PDSS2: variants seen among roughly 807,000 people sequenced by gnomAD.
PDSS2 encodes decaprenyl diphosphate synthase subunit 2, also known as all trans-polyprenyl-diphosphate synthase PDSS2.
In PDSS2, 31 loss-of-function variants were observed where a neutral mutation model predicts 44.5. The ratio of observed to expected loss-of-function variants is 0.70; its 90% CI spans 0.52 to 0.94. The LOEUF (loss-of-function observed/expected upper bound fraction) is 0.94, where lower values mean the gene tolerates loss of function less well. Ranked by LOEUF, PDSS2 falls within the 40% of genes least tolerant of loss-of-function variation. The pLI, the probability that PDSS2 is intolerant of heterozygous loss-of-function variation, is 0.00. For synonymous variants in PDSS2, 157 were observed against 180.3 expected, an observed-to-expected ratio of 0.87 and a Z score of 1.03; for missense variants, 452 against 482.2, an observed-to-expected ratio of 0.94 and a Z score of 0.59.
At chr6:107,398,438 C>T (rs2114572917) in intron 1 of PDSS2, among the ~76,000 whole-genome samples, 1 of 152,194 alleles carries the variant, frequency 6.6e-6, no homozygotes, top group Admixed American at 6.5e-5. Context: ...ATTTAAAATT[C>T]TTACTTTTAA....
chr6:107,400,734 T>A (rs1444678417), intron 1 of PDSS2, among the ~76,000 whole-genome samples: 1 of 152,106 alleles, frequency 6.6e-6, no homozygotes, highest in African/African-American at 2.4e-5. Context: ...GGAGTGTTGC[T>A]CCAGGGGCTT....
In PDSS2 at chr6:107,205,367, A is replaced by G. The variant is rs115685563; in HGVS notation, c.1008+5072T>C. Among the ~76,000 whole-genome samples the G allele has an allele frequency of 4.8e-3, 733 of 152,300 alleles. 4 individuals carry two copies. Among genetic ancestry groups the G allele is most frequent in the African/African-American group, 0.017 (710 of 41,556 alleles). On this transcript the variant is annotated intron_variant, in intron 6 of 7. Coordinates refer to ENST00000369037, the MANE Select transcript of PDSS2 (RefSeq NM_020381.4). ...AGGTGACTTATAGTGGCAGCAGAAA[A>G]CTAGAAGGATCATTAAAAATAAAGC...
chr6:107,322,454 G>C (rs1777409733), intron 2 of PDSS2, among the ~76,000 whole-genome samples: 2 of 152,186 alleles, frequency 1.3e-5, no homozygotes, highest in Non-Finnish European at 1.5e-5. Flanking sequence ...GGGAGGTGGA[G>C]GTTGCAGTGA....
chr6:107,196,661 C>T (rs1265045910), intron 6 of PDSS2, among the ~76,000 whole-genome samples: 1 of 152,194 alleles, frequency 6.6e-6, no homozygotes, highest in African/African-American at 2.4e-5. Context: ...TTCAGAAACT[C>T]ACCAAGTGAT....
chr6:107,227,279 T>TTTTTTTTTTTTC (rs1773863883), intron 4 of PDSS2, among the ~76,000 whole-genome samples: 3 of 17,114 alleles, frequency 1.8e-4, no homozygotes, highest in East Asian at 5.2e-3. Context: ...CACTGTGCCC[T>TTTTTTTTTTTTC]TTTTTTTTTT....
chr6:107,254,540 T>C (rs1275763091), intron 3 of PDSS2, among the ~76,000 whole-genome samples: 1 of 152,212 alleles, frequency 6.6e-6, no homozygotes, highest in Non-Finnish European at 1.5e-5. Context: ...AGTTGCTTTA[T>C]TTTCCACCTT....
At chr6:107,317,396 G>A (rs1468905300) in intron 2 of PDSS2, among the ~76,000 whole-genome samples, 3 of 152,196 alleles carry the variant, frequency 2.0e-5, no homozygotes, top group African/African-American at 7.2e-5. Flanking sequence ...AAATGGGAGG[G>A]GGCCAGGGAG....
chr6:107,286,575 G>A (rs1448118988), intron 2 of PDSS2, among the ~76,000 whole-genome samples: 1 of 151,850 alleles, frequency 6.6e-6, no homozygotes, highest in Non-Finnish European at 1.5e-5. Flanking sequence ...CAGACTTGAA[G>A]TACTTGCAAT....
intron 2 of PDSS2, among the ~76,000 whole-genome samples, chr6:107,307,868 T>C (rs1776912906): frequency 6.6e-6 from 1 of 152,190 alleles, no homozygotes; most frequent in South Asian, 2.1e-4. Flanking sequence ...CCAACAGTAA[T>C]TATTTTACAA....
chr6:107,373,633 AC>A (rs1779192387), intron 1 of PDSS2, among the ~76,000 whole-genome samples: 1 of 152,202 alleles, frequency 6.6e-6, no homozygotes, highest in African/African-American at 2.4e-5. Flanking sequence ...CCTAAAGCTG[AC>A]AGGAGAAAGA....
intron 7 of PDSS2, among the ~76,000 whole-genome samples, chr6:107,186,659 T>C (rs1470211620): frequency 1.3e-5 from 2 of 152,144 alleles, no homozygotes; most frequent in East Asian, 1.9e-4. Flanking sequence ...CCTCCCTGTG[T>C]CCATGTGTTC....
chr6:107,386,391 AAAC>A (rs1480749750), intron 1 of PDSS2, among the ~76,000 whole-genome samples: 2 of 151,912 alleles, frequency 1.3e-5, no homozygotes, highest in East Asian at 1.9e-4. Context: ...AAAAAAAAAA[AAAC>A]AAAAATTGAC....
chr6:107,270,371 G>T (rs1007006687), intron 3 of PDSS2, among the ~76,000 whole-genome samples: 1 of 151,050 alleles, frequency 6.6e-6, no homozygotes, highest in Non-Finnish European at 1.5e-5. Flanking sequence ...CTCAGCCTCC[G>T]AAAGTGCTGG....
Position 107,451,771 on chromosome 6 carries a change from G to C in PDSS2, c.296+7219C>G, listed in dbSNP as rs528032558. Among the ~76,000 whole-genome samples, 7 of 152,192 alleles carry C rather than the reference G, an allele frequency of 4.6e-5. No individual in the cohort carries two copies. In the East Asian group the frequency reaches 1.2e-3, roughly 25 times the overall value. On this transcript the variant is annotated intron_variant, in intron 1 of 7. Coordinates refer to ENST00000369037, the MANE Select transcript of PDSS2 (RefSeq NM_020381.4). ...ATAGGGCGGGTTCCCAGAGCTCGGG[G>C]CCTTTGCAGCCTCCAATCTAGCGCT...
intron 1 of PDSS2, among the ~76,000 whole-genome samples, chr6:107,342,968 A>G (rs1390915301): frequency 6.6e-6 from 1 of 152,100 alleles, no homozygotes; most frequent in Admixed American, 6.6e-5. Flanking sequence ...GAGTGGTACG[A>G]TTTTATTTTT....
At chr6:107,310,606 C>T (rs1242315402) in intron 2 of PDSS2, among the ~76,000 whole-genome samples, 1 of 152,134 alleles carries the variant, frequency 6.6e-6, no homozygotes, top group African/African-American at 2.4e-5. Flanking sequence ...TCTTTGAGCC[C>T]ATTCATTCCC....
chr6:107,278,658 T>A (rs549126039), intron 2 of PDSS2, among the ~76,000 whole-genome samples: 1 of 152,206 alleles, frequency 6.6e-6, no homozygotes, highest in Non-Finnish European at 1.5e-5. Context: ...ATGAGTGATT[T>A]TGACATCTAT....
chr6:107,398,111 A>G (rs141356202), intron 1 of PDSS2, among the ~76,000 whole-genome samples: 22 of 152,372 alleles, frequency 1.4e-4, no homozygotes, highest in African/African-American at 5.0e-4. Flanking sequence ...TTTGGGGATC[A>G]GATCAAAAAA....
intron 1 of PDSS2, among the ~76,000 whole-genome samples, chr6:107,372,546 G>A (rs1011472590): frequency 5.9e-5 from 9 of 152,166 alleles, no homozygotes; most frequent in African/African-American, 2.2e-4. Flanking sequence ...CCGCCTCCCG[G>A]GTTCATGCCA....
Sources: allele counts gnomAD v4.1 joint callset (sites outside exome capture counted in the v4.1 genomes callset), GRCh38; gene constraint gnomAD v4.1.1; transcripts MANE v1.5; gene names NCBI Gene and HGNC (gene_info 2026-07-23, HGNC 2026-07-21).